COL9A1: variants seen among roughly 807,000 people sequenced by gnomAD.
COL9A1 encodes collagen alpha-1(IX) chain.
COL9A1 carries 104 observed loss-of-function variants against 142.6 expected under a neutral mutation model. The observed-to-expected ratio is 0.73, with a 90% CI of 0.62 to 0.86. COL9A1 has a LOEUF of 0.86. Ranked by LOEUF, COL9A1 falls within the 40% of genes least tolerant of loss-of-function variation. COL9A1 has a pLI of 0.00. For synonymous variants in COL9A1, 466 were observed against 396.0 expected, an observed-to-expected ratio of 1.18 and a Z score of -2.10; for missense variants, 1,210 against 1,176.6, an observed-to-expected ratio of 1.03 and a Z score of -0.42.
chr6:70,256,389 CAT>C (rs1771298331), intron 21 of COL9A1, among the ~76,000 whole-genome samples: 1 of 152,088 alleles, frequency 6.6e-6, no homozygotes, highest in Non-Finnish European at 1.5e-5. Context: ...GACACATGGA[CAT>C]ATGGCAATCA....
chr6:70,255,608 G>T (rs1174714746), intron 21 of COL9A1, among the ~76,000 whole-genome samples: 6 of 152,094 alleles, frequency 3.9e-5, no homozygotes, highest in Non-Finnish European at 8.8e-5. Context: ...ATGGTCTTTT[G>T]TTTTCCCCTT....
chr6:70,233,537 C>T (rs925061384), intron 35 of COL9A1, among the ~76,000 whole-genome samples: 2 of 151,986 alleles, frequency 1.3e-5, no homozygotes, highest in African/African-American at 4.8e-5. Context: ...ATTTTTTAAA[C>T]TTAGAGGGTA....
intron 20 of COL9A1, among the ~76,000 whole-genome samples, chr6:70,258,382 G>GT (rs1391255557): frequency 1.3e-5 from 2 of 152,132 alleles, no homozygotes; most frequent in African/African-American, 4.8e-5. Context: ...AGAAAACCAG[G>GT]TGGACGGCAT....
At chr6:70,288,098 T>C (rs1443644445) in intron 5 of COL9A1, among the ~76,000 whole-genome samples, 2 of 152,160 alleles carry the variant, frequency 1.3e-5, no homozygotes, top group African/African-American at 4.8e-5. Flanking sequence ...AGATGTCTAG[T>C]AACGATCAAA....
In COL9A1 at chr6:70,294,763, G is replaced by A. The variant is rs1261801835; in HGVS notation, c.300-200C>T. Among the ~76,000 whole-genome samples the A allele has an allele frequency of 3.3e-5, 5 of 152,222 alleles. No individual in the cohort carries two copies. In the South Asian group the frequency reaches 6.2e-4, roughly 19 times the overall value. On this transcript the variant is annotated intron_variant, in intron 4 of 37. Coordinates refer to ENST00000357250, the MANE Select transcript of COL9A1 (RefSeq NM_001851.6). The stretch of plus-strand genomic sequence containing the variant: ...AATCATTCCTGTACATTCATGGTCC[G>A]TCTTAAATTACACATTTTAAAAACA...
rs780030186 is a variant in COL9A1, at chr6:70,260,661, T to TC, written c.1444dup (p.Glu482GlyfsTer10). On this transcript the variant is annotated frameshift_variant, in exon 20 of 38. Transcript: ENST00000357250. LOFTEE classifies it high-confidence loss of function. ...TTATTGTCATCACCATCTTACTTTT[T>TC]CCCCTTTGTCCCCAACTATGCCGGT... is the stretch of plus-strand genomic sequence containing the variant. 6.2e-7 allele frequency: 1 copy of TC among 1,613,740 alleles called. No homozygotes were observed. Among genetic ancestry groups the TC allele is most frequent in the East Asian group, 2.2e-5 (1 of 44,868 alleles).
At chr6:70,296,233 C>G (rs941275123) in intron 4 of COL9A1, among the ~76,000 whole-genome samples, 12 of 152,080 alleles carry the variant, frequency 7.9e-5, no homozygotes, top group Non-Finnish European at 1.3e-4. Context: ...ACTCTTTCAT[C>G]ATAGAAGTAT....
intron 5 of COL9A1, among the ~76,000 whole-genome samples, chr6:70,291,258 G>A (rs762767741): frequency 6.6e-6 from 1 of 152,114 alleles, no homozygotes; most frequent in African/African-American, 2.4e-5. Flanking sequence ...AGCTTGAAAA[G>A]GGAAGAACTG....
At chr6:70,240,969 G>T (rs182590804) in intron 31 of COL9A1, among the ~76,000 whole-genome samples, 1 of 152,246 alleles carries the variant, frequency 6.6e-6, no homozygotes, top group East Asian at 1.9e-4. Flanking sequence ...AAGGATAAAT[G>T]ACCATATTCA....
intron 4 of COL9A1, among the ~76,000 whole-genome samples, chr6:70,298,422 C>T (rs983233353): frequency 6.6e-6 from 1 of 152,196 alleles, no homozygotes; most frequent in African/African-American, 2.4e-5. Context: ...TAACTTTCCT[C>T]CTTCTCTTTT....
chr6:70,281,318 A>C, intron 8 of COL9A1, 72 bp downstream of exon 8: 7 of 1,434,846 alleles, frequency 4.9e-6, no homozygotes, highest in South Asian at 1.2e-5. Flanking sequence ...AAAAAACCCC[A>C]CAGGAGCCCT....
At chr6:70,250,085 A>C (rs1770847596) in intron 28 of COL9A1, among the ~76,000 whole-genome samples, 1 of 152,018 alleles carries the variant, frequency 6.6e-6, no homozygotes, top group Admixed American at 6.6e-5. Context: ...ACATGGCAAA[A>C]CCCTGTCTCT....
At chr6:70,297,153 C>G (rs558993242) in intron 4 of COL9A1, among the ~76,000 whole-genome samples, 2 of 152,024 alleles carry the variant, frequency 1.3e-5, no homozygotes, top group Non-Finnish European at 2.9e-5. Flanking sequence ...TAGGAAAGAA[C>G]ATAATGTCTT....
At chr6:70,279,858 C>G (rs76278276) in intron 10 of COL9A1, 1 of 465,034 alleles carries the variant, frequency 2.2e-6, no homozygotes, top group Admixed American at 3.4e-5. Flanking sequence ...TATAGGTTTT[C>G]GAGTGCTTTC....
chr6:70,231,444 C>T (rs1378923446), intron 36 of COL9A1, among the ~76,000 whole-genome samples: 4 of 152,154 alleles, frequency 2.6e-5, no homozygotes, highest in Non-Finnish European at 5.9e-5. Context: ...AAGAAAAACT[C>T]TACCCTCAGT....
intron 25 of COL9A1, 63 bp from the exon 26 acceptor site, chr6:70,253,492 G>T: frequency 1.7e-6 from 2 of 1,157,704 alleles, no homozygotes; most frequent in Non-Finnish European, 2.6e-6. Flanking sequence ...GAGATGCCAA[G>T]CCCACTGCAC....
intron 13 of COL9A1, 47 bp downstream of exon 13, chr6:70,272,018 G>A (rs191143893): frequency 8.9e-4 from 1,406 of 1,572,782 alleles, no homozygotes; most frequent in Non-Finnish European, 1.1e-3. Context: ...TGAGAAATAG[G>A]ACATTTTTAT....
intron 12 of COL9A1, among the ~76,000 whole-genome samples, chr6:70,272,571 C>T (rs1014555545): frequency 1.3e-5 from 2 of 152,066 alleles, no homozygotes; most frequent in Non-Finnish European, 2.9e-5. Flanking sequence ...AACACACCTC[C>T]CTTTTGAAAG....
At chr6:70,295,046 A>G (rs147880428) in intron 4 of COL9A1, among the ~76,000 whole-genome samples, 1 of 152,260 alleles carries the variant, frequency 6.6e-6, no homozygotes, top group East Asian at 1.9e-4. Flanking sequence ...GCATGTTAAG[A>G]TTATTTGTTA....
Sources: allele counts gnomAD v4.1 joint callset (sites outside exome capture counted in the v4.1 genomes callset), GRCh38; gene constraint gnomAD v4.1.1; transcripts MANE v1.5; gene names NCBI Gene and HGNC (gene_info 2026-07-23, HGNC 2026-07-21).